Variants in AGMO observed in about 807,000 individuals in gnomAD.
AGMO encodes glyceryl-ether monooxygenase.
In AGMO, 75 loss-of-function variants were observed where a neutral mutation model predicts 60.2. The observed-to-expected ratio is 1.25, with a 90% CI of 1.03 to 1.51. The LOEUF (loss-of-function observed/expected upper bound fraction) is 1.51, where lower values mean the gene tolerates loss of function less well. AGMO is among the 40% of genes most tolerant of loss of function. AGMO has a pLI of 0.00. For missense variants in AGMO, 763 were observed against 525.5 expected, an observed-to-expected ratio of 1.45 and a Z score of -4.42; for synonymous variants, 261 against 177.1, an observed-to-expected ratio of 1.47 and a Z score of -3.76.
Position 15,430,918 on chromosome 7 carries a change from G to GTTTT in AGMO, c.513+83_513+86dup, listed in dbSNP as rs71004378. ...CATTTTAGTAAAACACCTTCTATTA[G>GTTTT]TTTTTTTTTTTTTTTGAGGAAATAG... On this transcript the variant is annotated intron_variant, in intron 4 of 12. Coordinates refer to ENST00000342526, the MANE Select transcript of AGMO (RefSeq NM_001004320.2). The GTTTT allele has an allele frequency of 7.7e-3, 3,040 of 394,062 alleles. 55 individuals are homozygous for GTTTT. Among genetic ancestry groups the GTTTT allele is most frequent in the African/African-American group, 8.6e-3 (371 of 43,264 alleles). 24.4% of individuals were successfully genotyped at this position (394,062 alleles called of 1,614,324 possible). A position where few individuals can be genotyped will look rare whatever the true frequency, so the allele number is the denominator to read the frequency against.
intron 12 of AGMO, among the ~76,000 whole-genome samples, chr7:15,246,261 T>C (rs1453961421): frequency 6.6e-6 from 1 of 152,194 alleles, no homozygotes; most frequent in Admixed American, 6.5e-5. Flanking sequence ...CCAAACTGAA[T>C]AGGCTGTATT....
rs566585534 is a variant in AGMO at position 15,443,269 on chromosome 7, C to T, written c.410-12161G>A. Among the ~76,000 whole-genome samples the T allele has an allele frequency of 1.0e-3, 155 of 152,286 alleles. 1 individual carries two copies. In the Middle Eastern group the frequency reaches 0.014, roughly 13 times the overall value. ...GGCACATGGTAACACATGCCCACTG[C>T]GGCCTCAGAAGCTGTAAACATTCAC... On this transcript the variant is annotated intron_variant, in intron 3 of 12. Transcript: ENST00000342526.
intron 12 of AGMO, among the ~76,000 whole-genome samples, chr7:15,222,352 G>C (rs1781948562): frequency 6.6e-6 from 1 of 152,008 alleles, no homozygotes; most frequent in African/African-American, 2.4e-5. Flanking sequence ...CTTAGAGCCT[G>C]ATGAACAGCA....
intron 10 of AGMO, among the ~76,000 whole-genome samples, chr7:15,380,407 A>G (rs1410920951): frequency 1.3e-5 from 2 of 152,154 alleles, no homozygotes; most frequent in African/African-American, 4.8e-5. Flanking sequence ...ACTCCCATTA[A>G]TAATTGCCAC....
chr7:15,153,443 A>C, the AGMO span, among the ~76,000 whole-genome samples: 4 of 152,040 alleles, frequency 2.6e-5, no homozygotes, highest in Non-Finnish European at 5.9e-5. Context: ...GGGTTTTTCC[A>C]ATGTTATCTT....
At chr7:15,287,846 A>G (rs1784143995) in intron 12 of AGMO, among the ~76,000 whole-genome samples, 2 of 152,164 alleles carry the variant, frequency 1.3e-5, no homozygotes, top group Admixed American at 6.5e-5. Context: ...TTCAATGTAA[A>G]AAGAATTTTC....
chr7:15,167,178 G>A, the AGMO span, among the ~76,000 whole-genome samples: 7 of 152,154 alleles, frequency 4.6e-5, no homozygotes, highest in South Asian at 1.4e-3. Context: ...ATATTGAAAA[G>A]TTATTTCACT....
At chr7:15,318,141 A>AATT (rs1780997805) in intron 12 of AGMO, among the ~76,000 whole-genome samples, 1 of 151,498 alleles carries the variant, frequency 6.6e-6, no homozygotes, top group African/African-American at 2.4e-5. Flanking sequence ...AAGTAGCTGG[A>AATT]ATTACAGGCA....
intron 3 of AGMO, among the ~76,000 whole-genome samples, chr7:15,503,816 G>C (rs935796465): frequency 5.9e-5 from 9 of 152,000 alleles, no homozygotes; most frequent in Non-Finnish European, 1.0e-4. Context: ...CATAGTCTCT[G>C]ATAATACTGC....
In AGMO at chr7:15,244,231, T is replaced by C. The variant is rs77472697; in HGVS notation, c.1264-42872A>G. Among the ~76,000 whole-genome samples the C allele has an allele frequency of 6.1e-3, 928 of 152,316 alleles. 13 individuals carry two copies. The highest frequency in any genetic ancestry group is 0.021 in the African/African-American group (882 of 41,552). ...TGTGAGAGAAAATAAACATTCTCAA[T>C]GTGTCTACCTTTGTCCACTTGATTT... On this transcript the variant is annotated intron_variant, in intron 12 of 12. Coordinates refer to ENST00000342526, the MANE Select transcript of AGMO (RefSeq NM_001004320.2).
intron 3 of AGMO, among the ~76,000 whole-genome samples, chr7:15,506,332 G>A (rs113779342): frequency 6.6e-6 from 1 of 151,802 alleles, no homozygotes; most frequent in Non-Finnish European, 1.5e-5. Flanking sequence ...AAACTGGCTC[G>A]AGTTACACAG....
At chr7:15,430,304 C>T (rs185957692) in intron 4 of AGMO, among the ~76,000 whole-genome samples, 230 of 151,926 alleles carry the variant, frequency 1.5e-3, no homozygotes, top group African/African-American at 5.2e-3. Flanking sequence ...TTTTACGCAT[C>T]AGTTACTCTG....
intron 12 of AGMO, among the ~76,000 whole-genome samples, chr7:15,242,611 C>G (rs537393957): frequency 9.3e-4 from 142 of 152,134 alleles, no homozygotes; most frequent in Non-Finnish European, 1.7e-3. Context: ...CAACAAATAA[C>G]TAAGTTAGAA....
chr7:15,128,751 T>A, the AGMO span, among the ~76,000 whole-genome samples: 1 of 152,224 alleles, frequency 6.6e-6, no homozygotes, highest in East Asian at 1.9e-4. Flanking sequence ...CCAAGTGTAA[T>A]CTAAAATCTT....
At chr7:15,538,422 G>C (rs548717837) in intron 3 of AGMO, among the ~76,000 whole-genome samples, 9 of 152,136 alleles carry the variant, frequency 5.9e-5, no homozygotes, top group African/African-American at 2.2e-4. Context: ...TTGTAAAGAC[G>C]AAGTCTCTCC....
At chr7:15,348,947 A>G (rs543306341) in intron 12 of AGMO, among the ~76,000 whole-genome samples, 2 of 152,302 alleles carry the variant, frequency 1.3e-5, no homozygotes, top group East Asian at 3.9e-4. Flanking sequence ...CTTCTAAATT[A>G]GCTGCCTAAT....
intron 9 of AGMO, among the ~76,000 whole-genome samples, chr7:15,387,193 G>A (rs1339746442): frequency 6.6e-6 from 1 of 152,196 alleles, no homozygotes; most frequent in Non-Finnish European, 1.5e-5. Flanking sequence ...GTGCTCCTAG[G>A]TAAAAGGCAG....
intron 3 of AGMO, among the ~76,000 whole-genome samples, chr7:15,508,917 GTTTAT>G (rs1037511109): frequency 1.3e-5 from 2 of 152,064 alleles, no homozygotes; most frequent in African/African-American, 4.8e-5. Context: ...ACATAATTTA[GTTTAT>G]TTTAAGAACA....
chr7:15,395,817 T>C (rs1784352290), intron 5 of AGMO, among the ~76,000 whole-genome samples: 1 of 152,204 alleles, frequency 6.6e-6, no homozygotes, highest in South Asian at 2.1e-4. Context: ...AATACAAAAC[T>C]CTTTATCTAG....
Sources: gnomAD v4.1 joint callset for allele counts (sites outside exome capture counted in the v4.1 genomes callset) on GRCh38, gnomAD v4.1.1 for gene constraint, MANE v1.5 for transcripts, NCBI Gene and HGNC (gene_info 2026-07-23, HGNC 2026-07-21) for gene names.